Variants in ANXA8 observed in about 807,000 individuals in gnomAD.
ANXA8 encodes the protein VAC-beta.
A neutral mutation model predicts 26.8 loss-of-function variants in ANXA8; 9 were observed. That is an observed-to-expected ratio of 0.34 (90% CI 0.20 to 0.59). The LOEUF (loss-of-function observed/expected upper bound fraction) is 0.59. ANXA8 is among the 20% of genes least tolerant of loss of function. The probability of loss-of-function intolerance (pLI) is 0.84; values close to 1 mark genes in which losing one functional copy is unlikely to be tolerated. For synonymous variants in ANXA8, 39 were observed against 94.8 expected (o/e 0.41, Z 3.42); for missense variants, 83 against 238.5 (o/e 0.35, Z 4.29).
the ANXA8 span, among the ~76,000 whole-genome samples, chr10:47,696,786 C>A: frequency 6.7e-6 from 1 of 148,300 alleles, no homozygotes; most frequent in Non-Finnish European, 1.5e-5. Context: ...TCAGAGACCT[C>A]TTTGAGAATC....
chr10:47,777,728 C>T, the ANXA8 span, among the ~76,000 whole-genome samples: 1 of 152,114 alleles, frequency 6.6e-6, no homozygotes, highest in Non-Finnish European at 1.5e-5. Flanking sequence ...TTGTCCACTG[C>T]CTTCCATGGC....
At chr10:47,590,761 C>A in the ANXA8 span, among the ~76,000 whole-genome samples, 6 of 143,050 alleles carry the variant, frequency 4.2e-5, no homozygotes, top group East Asian at 1.2e-3. Context: ...CTGAAACCCA[C>A]ATGCCAGCCC....
At position 47,483,886 on chromosome 10, in the gene ANXA8, C is replaced by T; in HGVS notation, c.21+27G>A. The T allele has an allele frequency of 1.9e-6, 3 of 1,611,652 alleles. No homozygotes were observed. In the South Asian group the frequency reaches 3.3e-5, roughly 18 times the overall value. On this transcript the variant is annotated intron_variant, in intron 1 of 11. Coordinates refer to ENST00000585281, the MANE Select transcript of ANXA8 (RefSeq NM_001040084.3). ...CCAGCACCCAACACCATGCAGGAAC[C>T]CAAATCTCCTGCCAGCTCCCACTTA...
At chr10:47,533,224 C>T in the ANXA8 span, among the ~76,000 whole-genome samples, 4 of 133,180 alleles carry the variant, frequency 3.0e-5, no homozygotes, top group South Asian at 2.3e-4. Context: ...CACACACACA[C>T]CCCCGCAGAC....
chr10:47,594,287 C>T, the ANXA8 span, among the ~76,000 whole-genome samples: 1 of 147,056 alleles, frequency 6.8e-6, no homozygotes, highest in Non-Finnish European at 1.5e-5. Flanking sequence ...CTAAATGAAG[C>T]AAATTCAAAA....
the ANXA8 span, among the ~76,000 whole-genome samples, chr10:47,755,555 CT>C: frequency 0.013 from 1,047 of 82,504 alleles, 1 homozygote; most frequent in African/African-American, 0.047. Flanking sequence ...GTGCCCGGCC[CT>C]TTTTTTTTTT....
the ANXA8 span, among the ~76,000 whole-genome samples, chr10:47,560,074 C>T: frequency 0.17 from 24,195 of 144,472 alleles, 2,384 homozygotes; most frequent in East Asian, 0.5. Flanking sequence ...AGTTTCTGAC[C>T]CATATCATTC....
At chr10:47,533,424 CCT>C in the ANXA8 span, among the ~76,000 whole-genome samples, 3,045 of 145,648 alleles carry the variant, frequency 0.021, no homozygotes, top group Non-Finnish European at 0.03. Flanking sequence ...TTCACCAGAA[CCT>C]CTGTGTCAGA....
At chr10:47,930,191 A>G in the ANXA8 span, among the ~76,000 whole-genome samples, 1 of 151,100 alleles carries the variant, frequency 6.6e-6, no homozygotes, top group Non-Finnish European at 1.5e-5. Flanking sequence ...ACCTTAAGTG[A>G]ACCTTTATTA....
Position 47,468,919 on chromosome 10 carries a change from G to T in ANXA8, c.925-13C>A, listed in dbSNP as rs1421737171. 1 of 1,610,800 alleles carries T rather than the reference G, an allele frequency of 6.2e-7. No homozygotes were observed. Among genetic ancestry groups the T allele is most frequent in the Non-Finnish European group, 8.5e-7 (1 of 1,179,474 alleles). ...CGCTGGTGTCTTCCTGTGGGCAGGAGGCGCATAAGCGTGAGAAGGGGTTTG... is the reference window on the plus strand; with the variant it reads ...CGCTGGTGTCTTCCTGTGGGCAGGATGCGCATAAGCGTGAGAAGGGGTTTG... On this transcript the variant is annotated splice_polypyrimidine_tract_variant and intron_variant, in intron 11 of 11. Coordinates refer to ENST00000585281, the MANE Select transcript of ANXA8 (RefSeq NM_001040084.3).
the ANXA8 span, among the ~76,000 whole-genome samples, chr10:47,495,264 T>C: frequency 8.7e-6 from 1 of 114,918 alleles, no homozygotes; most frequent in Admixed American, 9.0e-5. Context: ...GCATTATTAT[T>C]ATTATTATTA....
At chr10:47,631,719 C>T in the ANXA8 span, among the ~76,000 whole-genome samples, 2 of 150,406 alleles carry the variant, frequency 1.3e-5, no homozygotes, top group Non-Finnish European at 2.9e-5. Context: ...AGTACCAAGT[C>T]ATGGCAATTT....
chr10:47,485,641 C>G (rs1840024948), upstream of ANXA8, among the ~76,000 whole-genome samples: 3 of 152,004 alleles, frequency 2.0e-5, no homozygotes, highest in South Asian at 6.2e-4. Context: ...ATAGGGGATG[C>G]AATATTTTTA....
the ANXA8 span, among the ~76,000 whole-genome samples, chr10:47,988,451 C>G: frequency 1.2e-5 from 1 of 82,014 alleles, no homozygotes; most frequent in South Asian, 4.5e-4. Context: ...AACACACTAG[C>G]TCTACCCCCT....
chr10:47,733,143 ATCTTTCTTTCTTTCTTTCTTTCTT>A, the ANXA8 span, among the ~76,000 whole-genome samples: 12 of 98,064 alleles, frequency 1.2e-4, no homozygotes, highest in Admixed American at 3.2e-4. Context: ...CAACTCCCTA[ATCTTTCTTTCTTTCTTTCTTTCTT>A]TCTTTCTTTC....
chr10:47,977,547 A>G, the ANXA8 span, among the ~76,000 whole-genome samples: 3 of 151,646 alleles, frequency 2.0e-5, no homozygotes, highest in Non-Finnish European at 4.4e-5. Context: ...CAACTAAAGG[A>G]AAACATGTTT....
the ANXA8 span, among the ~76,000 whole-genome samples, chr10:47,977,714 T>A: frequency 2.6e-5 from 4 of 151,498 alleles, no homozygotes; most frequent in African/African-American, 9.7e-5. Flanking sequence ...ACAGCCAATT[T>A]GAGCAGGCAG....
At chr10:47,647,531 A>G in the ANXA8 span, among the ~76,000 whole-genome samples, 1 of 149,916 alleles carries the variant, frequency 6.7e-6, no homozygotes, top group South Asian at 2.1e-4. Context: ...TTCTATATAG[A>G]TAGACCTGTA....
the ANXA8 span, among the ~76,000 whole-genome samples, chr10:47,955,122 A>G: frequency 6.7e-6 from 1 of 148,672 alleles, no homozygotes; most frequent in Non-Finnish European, 1.5e-5. Flanking sequence ...AATAAACCTC[A>G]TGAGATGTGA....
Sources: gnomAD v4.1 joint callset for allele counts (sites outside exome capture counted in the v4.1 genomes callset) on GRCh38, gnomAD v4.1.1 for gene constraint, MANE v1.5 for transcripts, NCBI Gene and HGNC (gene_info 2026-07-23, HGNC 2026-07-21) for gene names.